The following DNAH14 variants were observed in gnomAD, a reference collection of about 807,000 sequenced individuals.
The protein encoded by DNAH14 is dynein axonemal heavy chain 14.
In DNAH14, 478 loss-of-function variants were observed where a neutral mutation model predicts 520.9. The observed-to-expected ratio is 0.92, with a 90% CI of 0.85 to 0.99. DNAH14 has a LOEUF of 0.99. DNAH14 is among the 50% of genes least tolerant of loss of function. The probability of loss-of-function intolerance (pLI) is 0.00; values close to 1 mark genes in which losing one functional copy is unlikely to be tolerated. For missense variants in DNAH14, 4,831 were observed against 5,234.5 expected (o/e 0.92, Z 2.38); for synonymous variants, 1,581 against 1,757.2 (o/e 0.90, Z 2.51).
In DNAH14 at chr1:225,228,720, G is replaced by A. The variant is rs376989023; in HGVS notation, c.6440-2353G>A. 9.4e-4 allele frequency among the ~76,000 whole-genome samples: 143 copies of A among 152,232 alleles called. 1 individual carries two copies. The highest frequency in any genetic ancestry group is 3.0e-3 in the African/African-American group (126 of 41,536). On this transcript the variant is annotated intron_variant, in intron 41 of 85. Transcript: ENST00000682510. ...CTGGAATACGAGTTATAACCACTGC[G>A]CCTGACAAACCTGTTGCTGCATGCG...
At position 225,274,916 on chromosome 1, in the gene DNAH14, A is replaced by G. The variant is rs77770755; in HGVS notation, c.8011-998A>G. On this transcript the variant is annotated intron_variant, in intron 52 of 85. Coordinates refer to ENST00000682510, the MANE Select transcript of DNAH14 (RefSeq NM_001367479.1). ...AAATAAAACTCTAATAGTTAATACA[A>G]TGTGCCAAGCACAGTGTTAAGACAT... Among the ~76,000 whole-genome samples the G allele has an allele frequency of 5.0e-3, 755 of 152,344 alleles. 6 individuals are homozygous for G. The highest frequency in any genetic ancestry group is 0.017 in the African/African-American group (714 of 41,582).
intron 69 of DNAH14, among the ~76,000 whole-genome samples, chr1:225,341,775 G>C (rs2095186719): frequency 6.6e-6 from 1 of 152,148 alleles, no homozygotes; most frequent in Non-Finnish European, 1.5e-5. Context: ...TAAACTTAAA[G>C]AAACATAAAT....
chr1:225,286,797 T>A (rs963489384), intron 54 of DNAH14, among the ~76,000 whole-genome samples: 2 of 152,176 alleles, frequency 1.3e-5, no homozygotes, highest in African/African-American at 4.8e-5. Context: ...GCAACTTTAT[T>A]CATAATCACC....
intron 21 of DNAH14, among the ~76,000 whole-genome samples, chr1:225,094,704 G>A (rs1198143598): frequency 1.5e-4 from 19 of 126,056 alleles, no homozygotes; most frequent in African/African-American, 4.8e-4. Flanking sequence ...ACAAAAAAAC[G>A]CTATCAACAG....
intron 42 of DNAH14, among the ~76,000 whole-genome samples, chr1:225,235,664 G>T (rs188915831): frequency 6.6e-6 from 1 of 152,200 alleles, no homozygotes; most frequent in East Asian, 1.9e-4. Flanking sequence ...GAATCTGCCT[G>T]GTCCTGGGCT....
intron 81 of DNAH14, among the ~76,000 whole-genome samples, chr1:225,384,392 A>G (rs10915817): frequency 0.53 from 79,799 of 151,988 alleles, 22,719 homozygotes; most frequent in East Asian, 0.74. Context: ...CAGAACTGAA[A>G]GAGATAGAGA....
chr1:225,353,702 A>G, intron 72 of DNAH14, 101 bp from the exon 73 acceptor site: 1 of 712,116 alleles, frequency 1.4e-6, no homozygotes, highest in Non-Finnish European at 2.4e-6. Flanking sequence ...AGAAAAAAAA[A>G]AAAGTCACAA....
chr1:225,276,221 GAAAA>G (rs921427414), intron 53 of DNAH14, 140 bp downstream of exon 53: 4 of 168,010 alleles, frequency 2.4e-5, no homozygotes, highest in African/African-American at 9.7e-5. Context: ...GAGCAAGAGA[GAAAA>G]AGAGAGAGAG....
At position 225,335,347 on chromosome 1, in the gene DNAH14, G is replaced by A. The variant is rs1296739482; in HGVS notation, c.10080+1841G>A. Among the ~76,000 whole-genome samples the A allele has an allele frequency of 9.7e-5, 7 of 71,890 alleles. 2 individuals are homozygous for A. Among genetic ancestry groups the A allele is most frequent in the African/African-American group, 1.3e-4 (2 of 15,294 alleles). 47.2% of individuals were successfully genotyped at this position (71,890 alleles called of 152,430 possible). On this transcript the variant is annotated intron_variant, in intron 66 of 85. Coordinates refer to ENST00000682510, the MANE Select transcript of DNAH14 (RefSeq NM_001367479.1). Reference sequence around the variant, plus strand: ...CATATACACGTGTGTACATGTGTGTGTATATGCATATACACGTGTACATGT... The same window carrying A: ...CATATACACGTGTGTACATGTGTGTATATATGCATATACACGTGTACATGT...
chr1:225,126,780 G>A (rs2077759034), intron 27 of DNAH14, among the ~76,000 whole-genome samples: 1 of 151,950 alleles, frequency 6.6e-6, no homozygotes, highest in Non-Finnish European at 1.5e-5. Flanking sequence ...TGCTTTTCTA[G>A]TTCTTTTAAT....
chr1:225,022,446 A>G (rs2065784554), intron 10 of DNAH14, among the ~76,000 whole-genome samples: 1 of 152,198 alleles, frequency 6.6e-6, no homozygotes, highest in Non-Finnish European at 1.5e-5. Context: ...GGCAAAGGAT[A>G]TGAACAAATA....
intron 11 of DNAH14, chr1:225,024,531 A>T (rs1370384880): frequency 6.6e-6 from 1 of 152,496 alleles, no homozygotes; most frequent in African/African-American, 2.4e-5. Context: ...ATTTCTATTT[A>T]TCAAAATTTA....
In DNAH14 at chr1:225,275,991, A is replaced by G. The variant is rs1264888291; in HGVS notation, c.8088A>G (p.Arg2696=). ...TCTTGGATATAAACAAGACTCATAG[A>G]AAAAAGATTTATCAGAATACCAGTG... The part of the protein sequence containing the change: ...LDFLDINKTH[R]KKIYQNTSDY... Residue 2696 remains arginine, a synonymous_variant, in exon 53 of 86, where the codon AGA becomes AGG. Transcript: ENST00000682510. 1 of 418,568 alleles carries G rather than the reference A, an allele frequency of 2.4e-6. No homozygotes were observed. Among genetic ancestry groups the G allele is most frequent in the Non-Finnish European group, 4.8e-6 (1 of 208,844 alleles). The allele number at this position is 418,568 out of a possible 1,614,324, so 25.9% of individuals were successfully genotyped here.
At chr1:225,143,268 G>A (rs2149038373) in intron 28 of DNAH14, among the ~76,000 whole-genome samples, 1 of 152,082 alleles carries the variant, frequency 6.6e-6, no homozygotes, top group Admixed American at 6.5e-5. Context: ...AACAAATACA[G>A]GTTCTTAGGA....
At chr1:225,288,632 G>T (rs1290283189) in intron 54 of DNAH14, among the ~76,000 whole-genome samples, 1 of 151,974 alleles carries the variant, frequency 6.6e-6, no homozygotes, top group Admixed American at 6.6e-5. Context: ...TCTAAAATAA[G>T]TTTATTTTTA....
intron 11 of DNAH14, among the ~76,000 whole-genome samples, chr1:225,025,639 C>T (rs2066050198): frequency 6.6e-6 from 1 of 151,936 alleles, no homozygotes; most frequent in African/African-American, 2.4e-5. Flanking sequence ...CCTGTAGTCC[C>T]AGCTCCTCGG....
At chr1:225,012,356 A>G (rs2202536) in intron 10 of DNAH14, among the ~76,000 whole-genome samples, 99,835 of 151,924 alleles carry the variant, frequency 0.66, 34,535 homozygotes, top group African/African-American at 0.87. Flanking sequence ...CAGGTAACTC[A>G]ACCTTTCTCT....
At chr1:225,305,814 T>C (rs2094228823) in intron 58 of DNAH14, among the ~76,000 whole-genome samples, 1 of 152,314 alleles carries the variant, frequency 6.6e-6, no homozygotes, top group East Asian at 1.9e-4. Context: ...CAGCTAATAA[T>C]TGTTTTTTAA....
At chr1:225,152,634 G>T in intron 32 of DNAH14, 63 bp from the exon 33 acceptor site, 1 of 1,396,974 alleles carries the variant, frequency 7.2e-7, no homozygotes, top group South Asian at 1.5e-5. Flanking sequence ...AAAAGTATGT[G>T]ATTCCTTATT....
Sources: allele counts gnomAD v4.1 joint callset (sites outside exome capture counted in the v4.1 genomes callset), GRCh38; gene constraint gnomAD v4.1.1; transcripts MANE v1.5; gene names NCBI Gene and HGNC (gene_info 2026-07-23, HGNC 2026-07-21).